The following ARHGEF9 variants were observed in gnomAD, a reference collection of about 807,000 sequenced individuals.
The protein encoded by ARHGEF9 is Cdc42 guanine nucleotide exchange factor 9.
A neutral mutation model predicts 41.3 loss-of-function variants in ARHGEF9; 2 were observed. The ratio of observed to expected loss-of-function variants is 0.05; its 90% CI spans 0.02 to 0.15. The LOEUF is 0.15. Among genes scored for constraint, ARHGEF9 ranks in the 10% least tolerant of loss-of-function variants. The probability of loss-of-function intolerance (pLI) is 1.00; values close to 1 mark genes in which losing one functional copy is unlikely to be tolerated. For synonymous variants in ARHGEF9, 160 were observed against 154.4 expected, an observed-to-expected ratio of 1.04 and a Z score of -0.27; for missense variants, 225 against 424.7, an observed-to-expected ratio of 0.53 and a Z score of 4.13.
At chrX:63,643,405 C>A (rs2058658899) in intron 9 of ARHGEF9, among the ~76,000 whole-genome samples, 2 of 105,060 alleles carry the variant, frequency 1.9e-5, no homozygotes, top group Non-Finnish European at 3.9e-5. Context: ...TGTTGCCAGA[C>A]TGGAGTGCAG....
intron 9 of ARHGEF9, among the ~76,000 whole-genome samples, chrX:63,643,427 C>T (rs2047773883): frequency 9.4e-6 from 1 of 106,184 alleles, no homozygotes; most frequent in African/African-American, 3.5e-5. Context: ...GGCACAATCT[C>T]GGCTCACTGC....
At chrX:63,685,648 C>A (rs1314135164) in intron 4 of ARHGEF9, among the ~76,000 whole-genome samples, 9 of 111,463 alleles carry the variant, frequency 8.1e-5, no homozygotes, top group African/African-American at 2.9e-4. Flanking sequence ...AAGAGTATAC[C>A]TAAAAATAGA....
At chrX:63,757,187 C>T (rs1485175530) in intron 1 of ARHGEF9, among the ~76,000 whole-genome samples, 2 of 111,452 alleles carry the variant, frequency 1.8e-5, no homozygotes, top group African/African-American at 3.3e-5. Flanking sequence ...TGCATTTGCA[C>T]TGAATGGGCT....
At position 63,702,943 on chromosome X, in the gene ARHGEF9, C is replaced by G. The variant is rs1444804066; in HGVS notation, c.402+3315G>C. On this transcript the variant is annotated intron_variant, in intron 3 of 9. Transcript: ENST00000671741. Reference sequence around the variant, plus strand: ...GGTGAAAAGACTCATCTGAGATTCCCCAGTCAGTTAGTGACCAAGGTAGGT... The same window carrying G: ...GGTGAAAAGACTCATCTGAGATTCCGCAGTCAGTTAGTGACCAAGGTAGGT... Among the ~76,000 whole-genome samples, 3 of 112,022 alleles carry G rather than the reference C, an allele frequency of 2.7e-5. No individual in the cohort carries two copies. In the Admixed American group the frequency reaches 2.8e-4, roughly 11 times the overall value.
intron 1 of ARHGEF9, among the ~76,000 whole-genome samples, chrX:63,743,151 T>C (rs1242456663): frequency 3.6e-5 from 4 of 111,512 alleles, no homozygotes; most frequent in Non-Finnish European, 7.5e-5. Flanking sequence ...TGCAGTGAGC[T>C]GAGATTGTAC....
At chrX:63,748,280 G>A (rs781995386) in intron 1 of ARHGEF9, among the ~76,000 whole-genome samples, 3 of 111,669 alleles carry the variant, frequency 2.7e-5, no homozygotes, top group Admixed American at 9.5e-5. Context: ...TCAACGACTC[G>A]AATGCCATTT....
At chrX:63,697,581 C>T (rs1556390056) in intron 3 of ARHGEF9, among the ~76,000 whole-genome samples, 1 of 111,409 alleles carries the variant, frequency 9.0e-6, no homozygotes, top group African/African-American at 3.3e-5. Flanking sequence ...GTCAAATATC[C>T]CTTTCCAAGA....
intron 1 of ARHGEF9, among the ~76,000 whole-genome samples, chrX:63,778,018 G>GC (rs1399345788): frequency 3.5e-5 from 4 of 112,711 alleles, no homozygotes; most frequent in Non-Finnish European, 7.5e-5. Flanking sequence ...ACTAGGCAGT[G>GC]CCCCAGTGGG....
rs782095373 is a variant in ARHGEF9, at chrX:63,703,223, G to C, written c.402+3035C>G. ...AGGAACCAGCAAATTGTCAACAAAA[G>C]GTTTGATTGGGTTGGCTGGATTGGA... On this transcript the variant is annotated intron_variant, in intron 3 of 9. Transcript: ENST00000671741. 5 of 112,083 alleles carry C rather than the reference G, an allele frequency of 4.5e-5. No homozygotes were observed. The South Asian group carries it at 1.9e-3, about 42-fold the overall frequency. 9.2% of individuals were successfully genotyped at this position (112,083 alleles called of 1,213,427 possible). A position where few individuals can be genotyped will look rare whatever the true frequency, so the allele number is the denominator to read the frequency against.
intron 9 of ARHGEF9, chrX:63,640,717 G>C (rs1336688527): frequency 1.8e-5 from 2 of 111,861 alleles, no homozygotes; most frequent in Non-Finnish European, 3.8e-5. Flanking sequence ...AGACTGAGTT[G>C]ATAATGTCCC....
intron 1 of ARHGEF9, among the ~76,000 whole-genome samples, chrX:63,729,844 A>G (rs2054177741): frequency 8.9e-6 from 1 of 112,480 alleles, no homozygotes; most frequent in Admixed American, 9.4e-5. Context: ...ACTTTTGGAC[A>G]TGAATAAGAG....
rs187511145 is a variant in ARHGEF9 at position 63,638,288 on chromosome X, T to C, written c.1391-79A>G. ...TTCTCAAATTACCCAGTGACCACTC[T>C]GGGCAGACAACTCAAGGCAGACTGG... is the stretch of plus-strand genomic sequence containing the variant. On this transcript the variant is annotated intron_variant, in intron 9 of 9. Transcript: ENST00000671741. 1.3e-4 allele frequency: 122 copies of C among 929,959 alleles called. No individual in the cohort carries two copies. In the African/African-American group the frequency reaches 2.0e-3, roughly 15 times the overall value. 76.6% of individuals were successfully genotyped at this position (929,959 alleles called of 1,213,427 possible).
intron 3 of ARHGEF9, among the ~76,000 whole-genome samples, chrX:63,701,289 A>G (rs1338495643): frequency 1.8e-5 from 2 of 111,206 alleles, no homozygotes; most frequent in Admixed American, 9.6e-5. Context: ...CTCTGTCTCT[A>G]AAATGAAGAC....
chrX:63,777,389 A>G (rs1158175410), intron 1 of ARHGEF9, among the ~76,000 whole-genome samples: 2 of 111,213 alleles, frequency 1.8e-5, no homozygotes, highest in Non-Finnish European at 3.8e-5. Context: ...TATGGGAACT[A>G]CAATTAAAGA....
At chrX:63,778,898 G>A (rs1268136047) in intron 1 of ARHGEF9, among the ~76,000 whole-genome samples, 1 of 112,153 alleles carries the variant, frequency 8.9e-6, no homozygotes, top group African/African-American at 3.2e-5. Context: ...ACCATTCAGT[G>A]GTTGATCAGT....
intron 6 of ARHGEF9, 152 bp downstream of exon 6, chrX:63,673,886 T>TTGA: frequency 1.4e-6 from 1 of 713,720 alleles, no homozygotes; most frequent in Non-Finnish European, 2.0e-6. Flanking sequence ...TATCCAACAC[T>TTGA]TCTCATTAGC....
At chrX:63,705,616 C>G (rs782006087) in intron 3 of ARHGEF9, among the ~76,000 whole-genome samples, 1 of 110,750 alleles carries the variant, frequency 9.0e-6, no homozygotes, top group Non-Finnish European at 1.9e-5. Context: ...ACTGAAGGAG[C>G]CCAGGTTTGT....
chrX:63,646,919 G>A (rs2048130700), intron 8 of ARHGEF9, among the ~76,000 whole-genome samples: 1 of 111,294 alleles, frequency 9.0e-6, no homozygotes, highest in Non-Finnish European at 1.9e-5. Context: ...GCAGTGGTTT[G>A]TAGTTGTCCT....
At chrX:63,651,643 G>A (rs782508836) in intron 8 of ARHGEF9, among the ~76,000 whole-genome samples, 1 of 110,775 alleles carries the variant, frequency 9.0e-6, no homozygotes, top group South Asian at 3.7e-4. Context: ...TAGTTTGGAT[G>A]GCAAGAGATC....
Sources: allele counts gnomAD v4.1 joint callset (sites outside exome capture counted in the v4.1 genomes callset), GRCh38; gene constraint gnomAD v4.1.1; transcripts MANE v1.5; gene names NCBI Gene and HGNC (gene_info 2026-07-23, HGNC 2026-07-21).